LIPC: variants seen among roughly 807,000 people sequenced by gnomAD.
LIPC encodes lipase C, hepatic type.
Under a neutral mutation model 50.7 loss-of-function variants are expected in LIPC, and 44 were observed. The ratio of observed to expected loss-of-function variants is 0.87; its 90% CI spans 0.68 to 1.11. LIPC has a LOEUF of 1.11. LIPC is among the 50% of genes most tolerant of loss of function. The pLI is 0.00. For missense variants in LIPC, 697 were observed against 648.2 expected (o/e 1.08, Z -0.82); for synonymous variants, 271 against 256.4 (o/e 1.06, Z -0.54).
Position 58,545,591 on chromosome 15 carries a change from T to G in LIPC, c.575-151T>G, listed in dbSNP as rs543141567. ...CTACTGTGGTTTTACTGAGAAAAGG[T>G]TACGGCGAGGTTTTCTAGGGAAGGA... is the stretch of plus-strand genomic sequence containing the variant. On this transcript the variant is annotated intron_variant, in intron 4 of 8. Coordinates refer to ENST00000299022, the MANE Select transcript of LIPC (RefSeq NM_000236.3). 3.6e-5 allele frequency: 24 copies of G among 665,938 alleles called. No individual in the cohort carries two copies. The East Asian group carries it at 6.3e-4, about 17-fold the overall frequency. 41.3% of individuals were successfully genotyped at this position (665,938 alleles called of 1,614,324 possible). A position where few individuals can be genotyped will look rare whatever the true frequency, so the allele number is the denominator to read the frequency against.
chr15:58,524,881 G>T (rs2140881417), intron 1 of LIPC, among the ~76,000 whole-genome samples: 1 of 151,948 alleles, frequency 6.6e-6, no homozygotes, highest in African/African-American at 2.4e-5. Context: ...CTCTGCTTAT[G>T]GTCTTTTTTT....
At chr15:58,460,785 C>T (rs1443643551) in intron 1 of LIPC, among the ~76,000 whole-genome samples, 4 of 152,130 alleles carry the variant, frequency 2.6e-5, no homozygotes, top group East Asian at 3.9e-4. Context: ...GAACAGCCAG[C>T]GAGAATGGGA....
intron 2 of LIPC, among the ~76,000 whole-genome samples, chr15:58,540,836 C>G (rs1893294335): frequency 6.6e-6 from 1 of 152,184 alleles, no homozygotes; most frequent in African/African-American, 2.4e-5. Context: ...TAGGGTCTCA[C>G]TCTATCGCCC....
chr15:58,487,890 G>A (rs1268414047), intron 1 of LIPC, among the ~76,000 whole-genome samples: 1 of 152,188 alleles, frequency 6.6e-6, no homozygotes, highest in African/African-American at 2.4e-5. Flanking sequence ...TGGCAGGAAG[G>A]CTAAAGTCAG....
At chr15:58,501,568 G>GT in intron 1 of LIPC, among the ~76,000 whole-genome samples, 1 of 152,088 alleles carries the variant, frequency 6.6e-6, no homozygotes, top group East Asian at 1.9e-4. Context: ...ATTAGCTTTA[G>GT]TTTTTATAAG....
intron 1 of LIPC, among the ~76,000 whole-genome samples, chr15:58,433,498 T>TGTCTTCTTTCGAACGACATTTCGTTCGAC (rs1893190819): frequency 6.6e-6 from 1 of 152,226 alleles, no homozygotes; most frequent in Non-Finnish European, 1.5e-5. Flanking sequence ...TTCGACATTA[T>TGTCTTCTTTCGAACGACATTTCGTTCGAC]GTTTGTGAAA....
chr15:58,493,712 AT>A, intron 1 of LIPC, among the ~76,000 whole-genome samples: 1 of 148,360 alleles, frequency 6.7e-6, no homozygotes, highest in East Asian at 1.9e-4. Context: ...AATTTTGTAT[AT>A]ATTTGTATAT....
intron 1 of LIPC, among the ~76,000 whole-genome samples, chr15:58,492,522 G>A (rs556513346): frequency 2.6e-5 from 4 of 152,224 alleles, no homozygotes; most frequent in African/African-American, 9.6e-5. Flanking sequence ...TTACAAACAA[G>A]GACAATCCAA....
At chr15:58,544,781 T>G (rs1308865196) in intron 4 of LIPC, among the ~76,000 whole-genome samples, 1 of 151,742 alleles carries the variant, frequency 6.6e-6, no homozygotes, top group Non-Finnish European at 1.5e-5. Flanking sequence ...GCCCCCCAAG[T>G]AGGGAAGGAA....
intron 1 of LIPC, among the ~76,000 whole-genome samples, chr15:58,507,020 C>T (rs1338216635): frequency 6.6e-6 from 1 of 152,176 alleles, no homozygotes; most frequent in Non-Finnish European, 1.5e-5. Flanking sequence ...ACCATCAGAT[C>T]TCGTGAGAAC....
At chr15:58,539,033 G>A (rs370302645) in intron 2 of LIPC, among the ~76,000 whole-genome samples, 2 of 152,352 alleles carry the variant, frequency 1.3e-5, no homozygotes, top group East Asian at 1.9e-4. Flanking sequence ...GCTTTGGTCA[G>A]TGAAGTCCTC....
chr15:58,454,000 T>C (rs1376778150), intron 1 of LIPC, among the ~76,000 whole-genome samples: 2 of 152,254 alleles, frequency 1.3e-5, no homozygotes, highest in Non-Finnish European at 2.9e-5. Flanking sequence ...ATTATCTCAG[T>C]TGACCCCACA....
chr15:58,505,639 A>G (rs1210778298), intron 1 of LIPC, among the ~76,000 whole-genome samples: 1 of 152,162 alleles, frequency 6.6e-6, no homozygotes, highest in Non-Finnish European at 1.5e-5. Context: ...GTTTCACCCA[A>G]CGTCAACCAG....
chr15:58,475,377 C>T (rs1890955384), intron 1 of LIPC, among the ~76,000 whole-genome samples: 1 of 152,208 alleles, frequency 6.6e-6, no homozygotes, highest in Non-Finnish European at 1.5e-5. Context: ...AGGCAGACAG[C>T]CCGGCCACCC....
At chr15:58,463,769 C>T (rs1299230742) in intron 1 of LIPC, among the ~76,000 whole-genome samples, 1 of 152,150 alleles carries the variant, frequency 6.6e-6, no homozygotes, top group African/African-American at 2.4e-5. Flanking sequence ...CCCTTAGGAC[C>T]CCTCAACCTC....
At chr15:58,478,244 A>T (rs1304663562) in intron 1 of LIPC, among the ~76,000 whole-genome samples, 3 of 152,058 alleles carry the variant, frequency 2.0e-5, no homozygotes, top group Admixed American at 6.6e-5. Context: ...TTTTTTTGTT[A>T]GTTTGTTTGT....
chr15:58,473,592 G>A (rs1189669825), intron 1 of LIPC: 1 of 152,282 alleles, frequency 6.6e-6, no homozygotes, highest in Non-Finnish European at 1.5e-5. Flanking sequence ...ATATCTTTCT[G>A]GCATCGGCTG....
At chr15:58,498,713 C>T (rs1410091467) in intron 1 of LIPC, 1 of 152,196 alleles carries the variant, frequency 6.6e-6, no homozygotes, top group Non-Finnish European at 1.5e-5. Flanking sequence ...GACCTGCAGC[C>T]CACACCATCT....
At position 58,545,820 on chromosome 15, in the gene LIPC, A is replaced by AT; in HGVS notation, c.654dup (p.Ala219CysfsTer24). 6.2e-7 allele frequency: 1 copy of AT among 1,614,186 alleles called. No individual in the cohort carries two copies. The highest frequency in any genetic ancestry group is 8.5e-7 in the Non-Finnish European group (1 of 1,180,032). ...TCTCCAGATGATGCCAATTTTGTGG[A>AT]TGCCATTCATACCTTTACCCGGGAG... On this transcript the variant is annotated frameshift_variant, in exon 5 of 9. Coordinates refer to ENST00000299022, the MANE Select transcript of LIPC (RefSeq NM_000236.3). LOFTEE classifies it high-confidence loss of function.
Sources: allele counts gnomAD v4.1 joint callset (sites outside exome capture counted in the v4.1 genomes callset), GRCh38; gene constraint gnomAD v4.1.1; transcripts MANE v1.5; gene names NCBI Gene and HGNC (gene_info 2026-07-23, HGNC 2026-07-21).